Variants in KDM3B observed in about 807,000 individuals in gnomAD.
KDM3B encodes the protein lysine demethylase 3B, also known as lysine-specific demethylase 3B.
Under a neutral mutation model 170.0 loss-of-function variants are expected in KDM3B, and 10 were observed. The ratio of observed to expected loss-of-function variants is 0.06; its 90% CI spans 0.04 to 0.10. KDM3B has a LOEUF of 0.10. KDM3B is among the 10% of genes least tolerant of loss of function. The probability of loss-of-function intolerance (pLI) is 1.00; values close to 1 mark genes in which losing one functional copy is unlikely to be tolerated. For synonymous variants in KDM3B, 831 were observed against 834.8 expected (o/e 1.00, Z 0.08); for missense variants, 1,394 against 2,195.2 (o/e 0.64, Z 7.29).
chr5:138,389,126 C>T (rs1762357175), intron 7 of KDM3B, among the ~76,000 whole-genome samples: 1 of 152,262 alleles, frequency 6.6e-6, no homozygotes, highest in African/African-American at 2.4e-5. Flanking sequence ...TGTGAAGCAA[C>T]AGCAGCACCT....
rs184612044 is a variant in KDM3B, at chr5:138,377,629, T to C, written c.475-91T>C. 22 of 874,154 alleles carry C rather than the reference T, an allele frequency of 2.5e-5. No individual in the cohort carries two copies. The African/African-American group carries it at 2.9e-4, about 11-fold the overall frequency. The allele number at this position is 874,154 out of a possible 1,614,324, so 54.1% of individuals were successfully genotyped here. Reference sequence around the variant, plus strand: ...AGATATTGTTTGGCAAATGTTGATATACAGCTCCTTAGGATATGATTTTTC... The same window carrying C: ...AGATATTGTTTGGCAAATGTTGATACACAGCTCCTTAGGATATGATTTTTC... On this transcript the variant is annotated intron_variant, in intron 3 of 23. Coordinates refer to ENST00000314358, the MANE Select transcript of KDM3B (RefSeq NM_016604.4).
intron 11 of KDM3B, among the ~76,000 whole-genome samples, chr5:138,403,764 A>G (rs1420789728): frequency 6.6e-6 from 1 of 151,256 alleles, no homozygotes; most frequent in Non-Finnish European, 1.5e-5. Context: ...AGGCTGAGGC[A>G]GGAGGATCAC....
rs1762260006 is a variant in KDM3B at position 138,386,360 on chromosome 5, T to G, written c.1119T>G (p.Pro373=). The change falls in exon 7 of 24, where the codon CCT becomes CCG. Residue 373 remains proline, a synonymous_variant. Transcript: ENST00000314358. ...GGACTCTGGTGGTGCAGGATGAGCC[T>G]GTAGGTGGGGACACACCTGCATCTT... ...NGRTLVVQDE[P]VGGDTPASFT... is the part of the protein sequence containing the mutation. The G allele has an allele frequency of 6.2e-7, 1 of 1,614,206 alleles. No homozygotes were observed. The highest frequency in any genetic ancestry group is 8.5e-7 in the Non-Finnish European group (1 of 1,180,032).
chr5:138,408,919 C>T (rs1286699521), intron 11 of KDM3B, among the ~76,000 whole-genome samples: 1 of 152,074 alleles, frequency 6.6e-6, no homozygotes, highest in East Asian at 1.9e-4. Flanking sequence ...TTTTTGTGCC[C>T]TTTCAGGGGG....
chr5:138,419,313 C>T (rs1763192095), intron 14 of KDM3B, 81 bp downstream of exon 14: 1 of 1,435,234 alleles, frequency 7.0e-7, no homozygotes, highest in Non-Finnish European at 9.5e-7. Context: ...CACACATTAC[C>T]ATCCACATTT....
chr5:138,434,372 A>G (rs1268294386), intron 23 of KDM3B, among the ~76,000 whole-genome samples: 1 of 151,802 alleles, frequency 6.6e-6, no homozygotes, highest in East Asian at 1.9e-4. Context: ...ATATGGCGAA[A>G]CCCCGTCTCT....
At chr5:138,406,479 A>G (rs896984217) in intron 11 of KDM3B, among the ~76,000 whole-genome samples, 23 of 152,158 alleles carry the variant, frequency 1.5e-4, no homozygotes, top group African/African-American at 4.8e-4. Flanking sequence ...CCCTGTCTCT[A>G]CTAAAAATAC....
intron 1 of KDM3B, among the ~76,000 whole-genome samples, chr5:138,371,679 A>G (rs1287300006): frequency 6.6e-6 from 1 of 152,132 alleles, no homozygotes; most frequent in Non-Finnish European, 1.5e-5. Context: ...AAGAATCCAC[A>G]TGCAGCTGGG....
rs540743822 is a variant in KDM3B at position 138,430,845 on chromosome 5, G to A, written c.5070+420G>A. Among the ~76,000 whole-genome samples, 235 of 151,926 alleles carry A rather than the reference G, an allele frequency of 1.5e-3. 1 individual carries two copies. The highest frequency in any genetic ancestry group is 5.5e-3 in the African/African-American group (228 of 41,438). On this transcript the variant is annotated intron_variant, in intron 22 of 23. Transcript: ENST00000314358. The stretch of plus-strand genomic sequence containing the variant: ...GTGGAGGTTGCAGTGAGCCAAGATC[G>A]CACCATTGCACTCCAGCCTGGGCAA...
chr5:138,395,172 T>C (rs1762516902), intron 9 of KDM3B, among the ~76,000 whole-genome samples: 1 of 152,198 alleles, frequency 6.6e-6, no homozygotes, highest in Non-Finnish European at 1.5e-5. Context: ...AGAAGGCAGC[T>C]GGGGATACAG....
intron 11 of KDM3B, among the ~76,000 whole-genome samples, chr5:138,408,446 A>G (rs1380831332): frequency 6.6e-6 from 1 of 152,068 alleles, no homozygotes; most frequent in East Asian, 1.9e-4. Context: ...TTCAACAAAG[A>G]AAACTTAAGG....
intron 13 of KDM3B, among the ~76,000 whole-genome samples, 166 bp from the exon 14 acceptor site, chr5:138,418,787 T>C (rs1217469674): frequency 6.6e-6 from 1 of 152,254 alleles, no homozygotes; most frequent in Non-Finnish European, 1.5e-5. Context: ...GTTTCTGGCA[T>C]GTTGTAGGAC....
At chr5:138,408,470 C>T (rs543850832) in intron 11 of KDM3B, among the ~76,000 whole-genome samples, 13 of 150,800 alleles carry the variant, frequency 8.6e-5, no homozygotes, top group Admixed American at 3.3e-4. Context: ...AGATGGTGGC[C>T]TTACTAGTAA....
chr5:138,353,098 C>A, intron 1 of KDM3B, 111 bp downstream of exon 1: 1 of 903,152 alleles, frequency 1.1e-6, no homozygotes, highest in South Asian at 5.6e-5. Flanking sequence ...CATTTCCGTG[C>A]CCCCGGGTCT....
At chr5:138,392,868 G>A (rs753712141) in intron 8 of KDM3B, among the ~76,000 whole-genome samples, 26 of 152,176 alleles carry the variant, frequency 1.7e-4, no homozygotes, top group Non-Finnish European at 3.1e-4. Flanking sequence ...TAGCCATATC[G>A]TGAGAGACTA....
At chr5:138,418,747 T>C (rs1763174162) in intron 13 of KDM3B, among the ~76,000 whole-genome samples, 1 of 152,240 alleles carries the variant, frequency 6.6e-6, no homozygotes, top group Non-Finnish European at 1.5e-5. Flanking sequence ...TCAAGCCTTG[T>C]TCACTGATCT....
chr5:138,357,048 C>G (rs1327319560), intron 1 of KDM3B, among the ~76,000 whole-genome samples: 13 of 151,926 alleles, frequency 8.6e-5, no homozygotes, highest in Admixed American at 6.6e-4. Flanking sequence ...GAGACAGAGT[C>G]TTGCTCTGTC....
Position 138,372,933 on chromosome 5 carries a change from C to T in KDM3B, c.360+92C>T, listed in dbSNP as rs1011233511. The T allele has an allele frequency of 1.3e-5, 15 of 1,138,734 alleles. No homozygotes were observed. In the Admixed American group the frequency reaches 3.2e-4, roughly 24 times the overall value. The allele number at this position is 1,138,734 out of a possible 1,614,324, so 70.5% of individuals were successfully genotyped here. A position where few individuals can be genotyped will look rare whatever the true frequency, so the allele number is the denominator to read the frequency against. The stretch of plus-strand genomic sequence containing the variant: ...AGGGACAGAGTATGTGTAAGAACTA[C>T]ATACTTTGTCCTTAACGTACATTTA... On this transcript the variant is annotated intron_variant, in intron 2 of 23. Coordinates refer to ENST00000314358, the MANE Select transcript of KDM3B (RefSeq NM_016604.4).
rs1175965510 is a variant in KDM3B at position 138,435,907 on chromosome 5, A to C, written c.*207A>C. 3.6e-6 allele frequency: 2 copies of C among 551,784 alleles called. No homozygotes were observed. Among genetic ancestry groups the C allele is most frequent in the Non-Finnish European group, 6.5e-6 (2 of 309,284 alleles). The allele number at this position is 551,784 out of a possible 1,614,324, so 34.2% of individuals were successfully genotyped here. On this transcript the variant is annotated 3_prime_UTR_variant, in exon 24 of 24. Transcript: ENST00000314358. The stretch of plus-strand genomic sequence containing the variant: ...TCGTACTGTTCACACACACAGTTTG[A>C]GACTCCAAGCCAAGAGTGCCACATC...
Sources: allele counts gnomAD v4.1 joint callset (sites outside exome capture counted in the v4.1 genomes callset), GRCh38; gene constraint gnomAD v4.1.1; transcripts MANE v1.5; gene names NCBI Gene and HGNC (gene_info 2026-07-23, HGNC 2026-07-21).